The following RAI2 variants were observed in gnomAD, a reference collection of about 807,000 sequenced individuals.
RAI2 encodes retinoic acid induced 2.
A neutral mutation model predicts 15.3 loss-of-function variants in RAI2; 5 were observed. The observed-to-expected ratio is 0.33, with a 90% CI of 0.17 to 0.69. RAI2 has a LOEUF of 0.69. Ranked by LOEUF, RAI2 falls within the 30% of genes least tolerant of loss-of-function variation. The pLI, the probability that RAI2 is intolerant of heterozygous loss-of-function variation, is 0.69. For missense variants in RAI2, 424 were observed against 424.7 expected (o/e 1.00, Z 0.01); for synonymous variants, 191 against 184.0 (o/e 1.04, Z -0.31).
chrX:17,827,357 C>A (rs941525394), intron 1 of RAI2, among the ~76,000 whole-genome samples: 1 of 112,092 alleles, frequency 8.9e-6, no homozygotes, highest in Non-Finnish European at 1.9e-5. Flanking sequence ...TGTTCGACAA[C>A]CAATAAACAT....
At chrX:17,828,749 G>A (rs1202839585) in intron 1 of RAI2, among the ~76,000 whole-genome samples, 1 of 111,258 alleles carries the variant, frequency 9.0e-6, no homozygotes. Context: ...GAGCGAGTGG[G>A]GGAATTACGT....
chrX:17,821,024 C>T (rs1225543913), intron 1 of RAI2, among the ~76,000 whole-genome samples: 3 of 111,962 alleles, frequency 2.7e-5, no homozygotes, highest in Non-Finnish European at 5.6e-5. Flanking sequence ...CTTAGCCTCC[C>T]AAGTAGCTGG....
chrX:17,839,046 A>G (rs898489116), intron 1 of RAI2, among the ~76,000 whole-genome samples: 1 of 111,872 alleles, frequency 8.9e-6, no homozygotes, highest in Non-Finnish European at 1.9e-5. Context: ...CATCATCATC[A>G]TCATCATTCC....
rs184037259 is a variant in RAI2, at chrX:17,857,490, C to T, written c.-25+3608G>A. On this transcript the variant is annotated intron_variant, in intron 1 of 1. Coordinates refer to ENST00000451717, the MANE Select transcript of RAI2 (RefSeq NM_021785.6). Reference sequence around the variant, plus strand: ...ATACCTCACCCAGCCTTTGGTCCCTCGTGGACTTTGAGTTAGTTGCTTAAC... The same window carrying T: ...ATACCTCACCCAGCCTTTGGTCCCTTGTGGACTTTGAGTTAGTTGCTTAAC... Among the ~76,000 whole-genome samples the T allele has an allele frequency of 7.1e-5, 8 of 111,973 alleles. No homozygotes were observed. The East Asian group carries it at 2.3e-3, about 32-fold the overall frequency.
In RAI2 at chrX:17,847,122, C is replaced by T. The variant is rs2067473209; in HGVS notation, c.-25+13976G>A. ...AAATCTCTTTCCTTTATAAATTACCCAGTCTCAAGTATGTCTTTATTAGCA... is the reference window on the plus strand; with the variant it reads ...AAATCTCTTTCCTTTATAAATTACCTAGTCTCAAGTATGTCTTTATTAGCA... On this transcript the variant is annotated intron_variant, in intron 1 of 1. Transcript: ENST00000451717. Among the ~76,000 whole-genome samples, 5 of 111,826 alleles carry T rather than the reference C, an allele frequency of 4.5e-5. No individual in the cohort carries two copies. In the Admixed American group the frequency reaches 4.7e-4, roughly 11 times the overall value.
At chrX:17,861,013 G>C (rs1456416553) in intron 1 of RAI2, 85 bp downstream of exon 1, 1 of 105,535 alleles carries the variant, frequency 9.5e-6, no homozygotes, top group East Asian at 3.1e-4. Flanking sequence ...CGCCCAGCCC[G>C]GCGCGCCCCC....
chrX:17,813,108 G>A (rs2067067191), intron 1 of RAI2, among the ~76,000 whole-genome samples: 1 of 111,542 alleles, frequency 9.0e-6, no homozygotes, highest in African/African-American at 3.3e-5. Flanking sequence ...TAGGGAAGGT[G>A]CTCCAAATTT....
At chrX:17,816,433 G>A (rs1221590719) in intron 1 of RAI2, among the ~76,000 whole-genome samples, 1 of 112,262 alleles carries the variant, frequency 8.9e-6, no homozygotes, top group Non-Finnish European at 1.9e-5. Flanking sequence ...CAGAGAGCAG[G>A]TGGGAGTAGA....
At chrX:17,857,486 C>T (rs1601942694) in intron 1 of RAI2, among the ~76,000 whole-genome samples, 1 of 111,875 alleles carries the variant, frequency 8.9e-6, no homozygotes, top group South Asian at 3.8e-4. Flanking sequence ...AGCCTTTGGT[C>T]CCTCGTGGAC....
intron 1 of RAI2, among the ~76,000 whole-genome samples, chrX:17,819,717 A>ATTTG (rs1256048265): frequency 1.8e-5 from 2 of 112,621 alleles, no homozygotes; most frequent in Non-Finnish European, 3.7e-5. Flanking sequence ...AGGAAGCCAG[A>ATTTG]TACAAAAGTG....
chrX:17,800,867 T>C lies in RAI2; in HGVS notation c.1144A>G (p.Met382Val). Reference sequence around the variant, plus strand: ...GTGGCAGGGGCAAAAGAAATTTCCATGCCACTGGGAAGTTTCTCCATCACT... The same window carrying C: ...GTGGCAGGGGCAAAAGAAATTTCCACGCCACTGGGAAGTTTCTCCATCACT... ...HTVMEKLPSG[M>V]EISFAPATSH... The change falls in exon 2 of 2, where the codon ATG becomes GTG. Residue 382 changes from methionine to valine, a missense_variant. Transcript: ENST00000451717. The C allele has an allele frequency of 8.3e-7, 1 of 1,211,476 alleles. No homozygotes were observed. The highest frequency in any genetic ancestry group is 1.1e-6 in the Non-Finnish European group (1 of 895,402).
In RAI2 at chrX:17,800,475, T is replaced by A. The variant is rs763693371; in HGVS notation, c.1536A>T (p.Glu512Asp). 1 of 1,210,134 alleles carries A rather than the reference T, an allele frequency of 8.3e-7. No individual in the cohort carries two copies. The highest frequency in any genetic ancestry group is 1.1e-6 in the Non-Finnish European group (1 of 894,984). The change falls in exon 2 of 2, where the codon GAA becomes GAT. Residue 512 changes from glutamate (E) to aspartate (D), a missense_variant. Glu to Asp is a conservative substitution (Grantham distance 45). Transcript: ENST00000451717. ...SIKLKKVNSQ[E>D]IHMLPIKKQR... Reference sequence around the variant, plus strand: ...GTTTTTTGATTGGGAGCATGTGTATTTCCTGGGAGTTCACTTTCTTTAACT... The same window carrying A: ...GTTTTTTGATTGGGAGCATGTGTATATCCTGGGAGTTCACTTTCTTTAACT...
At chrX:17,842,537 T>A (rs1216669143) in intron 1 of RAI2, among the ~76,000 whole-genome samples, 1 of 110,704 alleles carries the variant, frequency 9.0e-6, no homozygotes, top group Non-Finnish European at 1.9e-5. Flanking sequence ...ATTTTTGATG[T>A]TAATGATTAG....
intron 1 of RAI2, among the ~76,000 whole-genome samples, chrX:17,854,423 C>G (rs942151703): frequency 3.6e-5 from 4 of 112,123 alleles, no homozygotes; most frequent in Non-Finnish European, 5.6e-5. Flanking sequence ...CTAGAACATT[C>G]TATGTGGTTC....
At chrX:17,830,588 CA>C (rs993178074) in intron 1 of RAI2, among the ~76,000 whole-genome samples, 4 of 108,877 alleles carry the variant, frequency 3.7e-5, no homozygotes, top group African/African-American at 1.3e-4. Context: ...AACCAGATGG[CA>C]AAAAAACATA....
intron 1 of RAI2, among the ~76,000 whole-genome samples, chrX:17,856,951 T>C (rs150066059): frequency 0.028 from 3,100 of 111,441 alleles, 48 homozygotes; most frequent in Non-Finnish European, 0.045. Flanking sequence ...AATCAGCTTC[T>C]CACCAGCTGC....
At chrX:17,824,115 C>T (rs2067201362) in intron 1 of RAI2, among the ~76,000 whole-genome samples, 1 of 112,725 alleles carries the variant, frequency 8.9e-6, no homozygotes, top group South Asian at 3.6e-4. Context: ...AAGAAACAAA[C>T]GAATACAGCT....
intron 1 of RAI2, among the ~76,000 whole-genome samples, chrX:17,808,762 TTCTGAG>T (rs1447609018): frequency 1.8e-5 from 2 of 111,707 alleles, no homozygotes; most frequent in African/African-American, 6.5e-5. Context: ...CAATGCCCTA[TTCTGAG>T]TCTATTTTGT....
rs982216704 is a variant in RAI2 at position 17,858,410 on chromosome X, A to G, written c.-25+2688T>C. Among the ~76,000 whole-genome samples, 8 of 112,300 alleles carry G rather than the reference A, an allele frequency of 7.1e-5. No homozygotes were observed. The East Asian group carries it at 2.3e-3, about 32-fold the overall frequency. On this transcript the variant is annotated intron_variant, in intron 1 of 1. Transcript: ENST00000451717. The stretch of plus-strand genomic sequence containing the variant: ...CCTTCCCAATTTATTTCCCTCCACT[A>G]CCATCCTCTCCAAAATTCTAAGCTT...
Sources: gnomAD v4.1 joint callset for allele counts (sites outside exome capture counted in the v4.1 genomes callset) on GRCh38, gnomAD v4.1.1 for gene constraint, MANE v1.5 for transcripts, NCBI Gene and HGNC (gene_info 2026-07-23, HGNC 2026-07-21) for gene names.